SLX4: variants seen among roughly 807,000 people sequenced by gnomAD.
SLX4 encodes the protein structure-specific endonuclease subunit SLX4.
In SLX4, 112 loss-of-function variants were observed where a neutral mutation model predicts 146.2. The ratio of observed to expected loss-of-function variants is 0.77; its 90% CI spans 0.66 to 0.90. The LOEUF is 0.90. Among genes scored for constraint, SLX4 ranks in the 40% least tolerant of loss-of-function variants. The probability of loss-of-function intolerance (pLI) is 0.00; values close to 1 mark genes in which losing one functional copy is unlikely to be tolerated. For missense variants in SLX4, 2,563 were observed against 2,392.7 expected (o/e 1.07, Z -1.49); for synonymous variants, 1,061 against 997.7 (o/e 1.06, Z -1.20).
chr16:3,604,903 G>A (rs910163177), intron 3 of SLX4, among the ~76,000 whole-genome samples: 1 of 150,862 alleles, frequency 6.6e-6, no homozygotes, highest in African/African-American at 2.4e-5. Flanking sequence ...TGAGGTATAG[G>A]GGATTAGGGG....
rs1486201859 is a variant in SLX4 at position 3,609,046 on chromosome 16, G to A, written c.-82C>T. 1 of 1,481,264 alleles carries A rather than the reference G, an allele frequency of 6.8e-7. No individual in the cohort carries two copies. Among genetic ancestry groups the A allele is most frequent in the Admixed American group, 1.9e-5 (1 of 52,912 alleles). The allele number at this position is 1,481,264 out of a possible 1,614,324, so 91.8% of individuals were successfully genotyped here. A position where few individuals can be genotyped will look rare whatever the true frequency, so the allele number is the denominator to read the frequency against. On this transcript the variant is annotated 5_prime_UTR_variant, in exon 2 of 15. Coordinates refer to ENST00000294008, the MANE Select transcript of SLX4 (RefSeq NM_032444.4). ...AAAGTACTGTTTTCCTCTCTATAAT[G>A]ATTGAAGTATCTTTGTTCAAATTGG...
In SLX4 at chr16:3,597,879, G is replaced by C. The variant is rs2040683174; in HGVS notation, c.1284C>G (p.Ser428=). The change falls in exon 6 of 15, where the codon TCC becomes TCG. Residue 428 remains serine (S), a synonymous_variant. Transcript: ENST00000294008. This position sits in a 1 kb window ranked among gnomAD's most constrained non-coding sequence, Gnocchi z 4.4. The part of the protein sequence containing the change: ...SEDLLVAMAL[S]RSEMEPGAAV... ...CCGCACCCGGCTCCATCTCCGACCG[G>C]GACAGAGCCATGGCCACCAGCAGGT... The C allele has an allele frequency of 6.2e-7, 1 of 1,614,090 alleles. No individual in the cohort carries two copies. The highest frequency in any genetic ancestry group is 8.5e-7 in the Non-Finnish European group (1 of 1,180,024).
Position 3,589,676 on chromosome 16 carries a change from G to A in SLX4, c.3962C>T (p.Pro1321Leu), listed in dbSNP as rs778781581. The A allele has an allele frequency of 1.9e-5, 30 of 1,613,784 alleles. No homozygotes were observed. The highest frequency in any genetic ancestry group is 5.0e-5 in the Admixed American group (3 of 59,976). ...IRPQTPPPQT[P>L]SSCLTPVSPG... ...AGAGACGGGAGTGAGGCATGAGGAC[G>A]GTGTCTGGGGCGGTGGTGTCTGGGG... is the stretch of plus-strand genomic sequence containing the variant. Residue 1321 changes from proline (P) to leucine (L), a missense_variant, in exon 12 of 15, where the codon CCG becomes CTG. Physicochemically the swap from Pro to Leu is moderately conservative, Grantham distance 98. Coordinates refer to ENST00000294008, the MANE Select transcript of SLX4 (RefSeq NM_032444.4). This position sits in a 1 kb window ranked among gnomAD's most constrained non-coding sequence, Gnocchi z 6.2.
At position 3,590,402 on chromosome 16, in the gene SLX4, G is replaced by A. The variant is rs1246764698; in HGVS notation, c.3236C>T (p.Pro1079Leu). The change falls in exon 12 of 15, where the codon CCA (proline) becomes CTA (leucine). Residue 1079 changes from proline to leucine, a missense_variant. By Grantham distance (98) the Pro-to-Leu change is moderately conservative (BLOSUM62 -3). Transcript: ENST00000294008. The surrounding 1 kb of genome is among the most constrained non-coding windows in gnomAD (Gnocchi z 4.8). ...GSPTLLSPAVPSKQKRDRSIL... is the reference protein window; with the variant it reads ...GSPTLLSPAVLSKQKRDRSIL... Reference sequence around the variant, plus strand: ...GCTCCTGTCCCTTTTCTGCTTTGATGGCACAGCTGGAGACAGCAAGGTTGG... The same window carrying A: ...GCTCCTGTCCCTTTTCTGCTTTGATAGCACAGCTGGAGACAGCAAGGTTGG... The A allele has an allele frequency of 6.2e-7, 1 of 1,614,232 alleles. No homozygotes were observed. The highest frequency in any genetic ancestry group is 2.2e-5 in the East Asian group (1 of 44,880).
intron 1 of SLX4, among the ~76,000 whole-genome samples, chr16:3,610,804 T>G (rs2040854553): frequency 6.6e-6 from 1 of 152,202 alleles, no homozygotes; most frequent in Non-Finnish European, 1.5e-5. Flanking sequence ...GTTGAATTCA[T>G]GAATTGCAAA....
chr16:3,587,818 G>A (rs2040524891), intron 12 of SLX4, among the ~76,000 whole-genome samples: 1 of 152,236 alleles, frequency 6.6e-6, no homozygotes, highest in South Asian at 2.1e-4. Flanking sequence ...TCTGGATTTT[G>A]GGAGGAAATG....
intron 1 of SLX4, among the ~76,000 whole-genome samples, 193 bp from the exon 2 acceptor site, chr16:3,609,759 G>T (rs1295860630): frequency 1.3e-5 from 2 of 152,230 alleles, no homozygotes; most frequent in Non-Finnish European, 2.9e-5. Context: ...CTAGAAACCT[G>T]TCAAAGCATG....
chr16:3,606,695 T>C lies in SLX4; in HGVS notation c.539A>G (p.Asn180Ser). ...AGGCTGGGAGTCGCTGTTGGGCACA[T>C]TCTCTGGCAAGGAGGAAAATATTCA... ...PNLSREKTRE[N>S]VPNSDSQPPP... Residue 180 changes from asparagine to serine, a missense_variant, in exon 3 of 15, where the codon AAT becomes AGT. Physicochemically the swap from Asn to Ser is conservative, Grantham distance 46 (BLOSUM62 1). Coordinates refer to ENST00000294008, the MANE Select transcript of SLX4 (RefSeq NM_032444.4). 1 of 1,614,046 alleles carries C rather than the reference T, an allele frequency of 6.2e-7. No homozygotes were observed. Among genetic ancestry groups the C allele is most frequent in the African/African-American group, 1.3e-5 (1 of 75,042 alleles).
intron 12 of SLX4, among the ~76,000 whole-genome samples, chr16:3,586,075 GAAA>G: frequency 6.6e-6 from 1 of 152,124 alleles, no homozygotes; most frequent in East Asian, 1.9e-4. Flanking sequence ...AGTCACTTTG[GAAA>G]ACAGTCTCGC....
At chr16:3,607,419 G>A (rs2040799227) in intron 2 of SLX4, among the ~76,000 whole-genome samples, 1 of 152,182 alleles carries the variant, frequency 6.6e-6, no homozygotes, top group African/African-American at 2.4e-5. Flanking sequence ...GAGAGCCCAT[G>A]GTGTATTATA....
chr16:3,596,910 C>A lies in SLX4; in HGVS notation c.1683+469G>T, dbSNP rs187156576. Among the ~76,000 whole-genome samples the A allele has an allele frequency of 2.2e-3, 330 of 152,036 alleles. 2 individuals carry two copies. Among genetic ancestry groups the A allele is most frequent in the African/African-American group, 7.4e-3 (307 of 41,460 alleles). On this transcript the variant is annotated intron_variant, in intron 7 of 14. Transcript: ENST00000294008. The stretch of plus-strand genomic sequence containing the variant: ...CGGTCTCGGCTCACTGCAACTTCCG[C>A]CTCCCCGGTTCAAGCGATTCTTCTG...
At chr16:3,606,215 C>T (rs938366000) in intron 3 of SLX4, among the ~76,000 whole-genome samples, 1 of 151,984 alleles carries the variant, frequency 6.6e-6, no homozygotes, top group Non-Finnish European at 1.5e-5. Context: ...CATGTCACTG[C>T]ACTCCAGCCT....
At position 3,589,780 on chromosome 16, in the gene SLX4, C is replaced by T. The variant is rs771503932; in HGVS notation, c.3858G>A (p.Ala1286=). 2.5e-5 allele frequency: 41 copies of T among 1,613,338 alleles called. No individual in the cohort carries two copies. The highest frequency in any genetic ancestry group is 1.2e-4 in the Admixed American group (7 of 59,996). The change falls in exon 12 of 15, where the codon GCG becomes GCA. Residue 1286 remains alanine, a synonymous_variant. Transcript: ENST00000294008. The surrounding 1 kb of genome is among the most constrained non-coding windows in gnomAD (Gnocchi z 6.2). ...AGGCCCTGGGCGTGTGCTGAGTCAC[C>T]GCCTGCACGGCCAGCCCGCTCCTGA... ...SSLRSGLAVQ[A]VTQHTPRASV...
chr16:3,604,269 A>C (rs1377990828), intron 3 of SLX4, among the ~76,000 whole-genome samples: 1 of 151,480 alleles, frequency 6.6e-6, no homozygotes, highest in South Asian at 2.1e-4. Context: ...GAAATGGGGG[A>C]CTATTCTAGA....
rs778138590 is a variant in SLX4 at position 3,596,155 on chromosome 16, G to T, written c.1922C>A (p.Ala641Glu). Residue 641 changes from alanine to glutamate, a missense_variant and splice_region_variant, in exon 8 of 15, where the codon GCA becomes GAA. By Grantham distance (107) the Ala-to-Glu change is moderately radical. Transcript: ENST00000294008. ...SGGLAGSEGT[A>E]GLDVVPGGLP... is the part of the protein sequence containing the mutation. ...TAGAGTCCCACCCAGCATCTCACCT[G>T]CAGTCCCTTCCGAGCCAGCCAGGCC... is the stretch of plus-strand genomic sequence containing the variant. 1 of 1,550,766 alleles carries T rather than the reference G, an allele frequency of 6.4e-7. No individual in the cohort carries two copies. Among genetic ancestry groups the T allele is most frequent in the Non-Finnish European group, 8.7e-7 (1 of 1,150,112 alleles).
At position 3,597,525 on chromosome 16, in the gene SLX4, A is replaced by G. The variant is rs769495113; in HGVS notation, c.1537T>C (p.Trp513Arg). 13 of 1,613,518 alleles carry G rather than the reference A, an allele frequency of 8.1e-6. No individual in the cohort carries two copies. In the East Asian group the frequency reaches 1.8e-4, roughly 22 times the overall value. The part of the protein sequence containing the change: ...LPASRILKEG[W>R]ERAGQCPPPP... The stretch of plus-strand genomic sequence containing the variant: ...GGAGGACACTGGCCCGCTCTTTCCC[A>G]CCCTTCCTTTAAAATCCTGCTGGCA... The change falls in exon 7 of 15, where the codon TGG becomes CGG. Residue 513 changes from tryptophan (W) to arginine (R), a missense_variant. Transcript: ENST00000294008. The surrounding 1 kb of genome is among the most constrained non-coding windows in gnomAD (Gnocchi z 4.4).
rs2040628291 is a variant in SLX4 at position 3,594,465 on chromosome 16, G to A, written c.2148C>T (p.Leu716=). The A allele has an allele frequency of 6.2e-7, 1 of 1,613,518 alleles. No homozygotes were observed. The highest frequency in any genetic ancestry group is 8.5e-7 in the Non-Finnish European group (1 of 1,179,760). The change falls in exon 10 of 15, where the codon CTC becomes CTT. Residue 716 remains leucine, a synonymous_variant. Coordinates refer to ENST00000294008, the MANE Select transcript of SLX4 (RefSeq NM_032444.4). ...HKFVLYARCP[L]LIQYVNNEGF... Reference sequence around the variant, plus strand: ...CCCACGTACTTACATACTGGATGAGGAGCGGGCATCGGGCATAAAGCACGA... The same window carrying A: ...CCCACGTACTTACATACTGGATGAGAAGCGGGCATCGGGCATAAAGCACGA...
At chr16:3,598,043 G>A (rs1049888794) in intron 5 of SLX4, 44 bp from the exon 6 acceptor site, 1 of 1,610,082 alleles carries the variant, frequency 6.2e-7, no homozygotes, top group African/African-American at 1.3e-5. Flanking sequence ...CTAGAGGAGT[G>A]CACGCTTCTC....
Position 3,595,687 on chromosome 16 carries a change from T to G in SLX4, c.1931A>C (p.Asp644Ala). The G allele has an allele frequency of 9.3e-6, 15 of 1,613,922 alleles. No individual in the cohort carries two copies. Among genetic ancestry groups the G allele is most frequent in the Non-Finnish European group, 1.3e-5 (15 of 1,179,990 alleles). Residue 644 changes from aspartate to alanine, a missense_variant, in exon 9 of 15, where the codon GAC becomes GCC. Asp to Ala is a moderately radical substitution (Grantham distance 126). Coordinates refer to ENST00000294008, the MANE Select transcript of SLX4 (RefSeq NM_032444.4). ...CAGAGGAAGGCCGCCGGGCACCACG[T>G]CCAACCCTGAGTGGAGGATTCACAG... ...LAGSEGTAGL[D>A]VVPGGLPLTG...
Sources: allele counts gnomAD v4.1 joint callset (sites outside exome capture counted in the v4.1 genomes callset), GRCh38; gene constraint gnomAD v4.1.1; non-coding constraint Gnocchi (gnomAD v3.1); transcripts MANE v1.5; gene names NCBI Gene and HGNC (gene_info 2026-07-23, HGNC 2026-07-21).